The following IPO13 variants were observed in gnomAD, a reference collection of about 807,000 sequenced individuals.
IPO13 encodes importin-13.
Under a neutral mutation model 115.5 loss-of-function variants are expected in IPO13, and 28 were observed. The ratio of observed to expected loss-of-function variants is 0.24; its 90% confidence interval spans 0.18 to 0.33. IPO13 has a LOEUF of 0.33. Among genes scored for constraint, IPO13 ranks in the 10% least tolerant of loss-of-function variants. IPO13 has a pLI of 1.00. For synonymous variants in IPO13, 414 were observed against 478.9 expected (o/e 0.86, Z 1.77); for missense variants, 785 against 1,204.6 (o/e 0.65, Z 5.16).
At chr1:43,954,727 G>T (rs539319763) in intron 2 of IPO13, among the ~76,000 whole-genome samples, 1 of 152,180 alleles carries the variant, frequency 6.6e-6, no homozygotes, top group Non-Finnish European at 1.5e-5. Flanking sequence ...TCAGGGCTGT[G>T]ATCTGGACCC....
At chr1:43,960,757 C>G in intron 12 of IPO13, 119 bp from the exon 13 acceptor site, 1 of 1,327,542 alleles carries the variant, frequency 7.5e-7, no homozygotes. Context: ...CCTTGGTTTG[C>G]AGGGCCAGGC....
At position 43,957,449 on chromosome 1, in the gene IPO13, T is replaced by A. The variant is rs2085259166; in HGVS notation, c.1440T>A (p.Ile480=). The A allele has an allele frequency of 6.2e-7, 1 of 1,614,092 alleles. No individual in the cohort carries two copies. Among genetic ancestry groups the A allele is most frequent in the South Asian group, 1.1e-5 (1 of 91,090 alleles). Residue 480 remains isoleucine (I), a synonymous_variant, in exon 7 of 20, where the codon ATT becomes ATA. Transcript: ENST00000372343. ...LYGFQSIAET[I]DVNYSDVVPG... is the part of the protein sequence containing the mutation. ...GCTTCCAATCCATCGCAGAGACCAT[T>A]GACGTCAACTATTCTGATGTGGTGC...
At chr1:43,948,315 G>A (rs904314633) in intron 1 of IPO13, among the ~76,000 whole-genome samples, 1 of 152,138 alleles carries the variant, frequency 6.6e-6, no homozygotes, top group Non-Finnish European at 1.5e-5. Context: ...CAGGCTCCCC[G>A]ACTGCCCAGC....
rs979414902 is a variant in IPO13 at position 43,956,057 on chromosome 1, T to A, written c.822-263T>A. ...AACCCATTCCGGAATCAGCTCTCAG[T>A]CCAACTGGAGAACACAATTCAACCC... On this transcript the variant is annotated intron_variant, in intron 2 of 19. Transcript: ENST00000372343. The surrounding 1 kb of genome is among the most constrained non-coding windows in gnomAD (Gnocchi z 4.7). Among the ~76,000 whole-genome samples the A allele has an allele frequency of 2.0e-5, 3 of 150,848 alleles. No homozygotes were observed. The East Asian group carries it at 5.8e-4, about 29-fold the overall frequency.
chr1:43,958,881 C>A lies in IPO13; in HGVS notation c.2020C>A (p.Pro674Thr). 2 of 1,613,982 alleles carry A rather than the reference C, an allele frequency of 1.2e-6. No individual in the cohort carries two copies. The highest frequency in any genetic ancestry group is 1.7e-6 in the Non-Finnish European group (2 of 1,179,896). ...ELRKLPVPQG[P>T]NPVVVVLQQV... ...TCGGAAGCTGCCAGTGCCACAGGGA[C>A]CCAACCCCGTGGGTGACATTTGCCC... The change falls in exon 11 of 20, where the codon CCC (proline) becomes ACC (threonine). Residue 674 changes from proline (P) to threonine (T), a missense_variant. Coordinates refer to ENST00000372343, the MANE Select transcript of IPO13 (RefSeq NM_014652.4). This position sits in a 1 kb window ranked among gnomAD's most constrained non-coding sequence, Gnocchi z 6.3.
Position 43,961,292 on chromosome 1 carries a change from C to A in IPO13, c.2344+30C>A, listed in dbSNP as rs142568582. On this transcript the variant is annotated intron_variant, in intron 14 of 19. Transcript: ENST00000372343. ...GTCCTGACCGGGGTCTCTGCTGCTG[C>A]TGCCACTGCCACTGCCTCTGCTTCC... 2.5e-4 allele frequency: 372 copies of A among 1,511,558 alleles called. 1 individual carries two copies. The East Asian group carries it at 7.5e-3, about 30-fold the overall frequency. The allele number at this position is 1,511,558 out of a possible 1,614,324, so 93.6% of individuals were successfully genotyped here.
In IPO13 at chr1:43,947,642, A is replaced by G; in HGVS notation, c.42A>G (p.Gly14=). Residue 14 remains glycine (G), a synonymous_variant, in exon 1 of 20, where the codon GGA becomes GGG. Transcript: ENST00000372343. ...AGCAGCCGGGGGCTGCAGGGGCTGG[A>G]GCAGCACCAGCCTTGGACTTCACTG... ...REEQPGAAGA[G]AAPALDFTVE... is the part of the protein sequence containing the mutation. 4 of 1,333,888 alleles carry G rather than the reference A, an allele frequency of 3.0e-6. No homozygotes were observed. Among genetic ancestry groups the G allele is most frequent in the Non-Finnish European group, 3.9e-6 (4 of 1,034,580 alleles). 82.6% of individuals were successfully genotyped at this position (1,333,888 alleles called of 1,614,324 possible).
Position 43,950,024 on chromosome 1 carries a change from A to G in IPO13, c.692A>G (p.Gln231Arg). The G allele has an allele frequency of 3.1e-6, 5 of 1,613,594 alleles. No homozygotes were observed. Among genetic ancestry groups the G allele is most frequent in the Non-Finnish European group, 4.2e-6 (5 of 1,179,942 alleles). The change falls in exon 2 of 20, where the codon CAG (glutamine) becomes CGG (arginine). Residue 231 changes from glutamine (Q) to arginine (R), a missense_variant. Gln to Arg is a conservative substitution (Grantham distance 43). Transcript: ENST00000372343. ...CTCAAGTGTTTCTCCAGCTGGGTGC[A>G]GCTGGAGGTGCCGCTGCAGGACTGT... ...KVLKCFSSWV[Q>R]LEVPLQDCEA...
Position 43,958,837 on chromosome 1 carries a change from A to T in IPO13, c.1976A>T (p.Asp659Val), listed in dbSNP as rs1233462928. ...CTGGACATCAGTCATCATGAGGATG[A>T]TCATGAAGGCCCTGAGCTTCGGAAG... ...TTLDISHHED[D>V]HEGPELRKLP... The change falls in exon 11 of 20, where the codon GAT (aspartate) becomes GTT (valine). Residue 659 changes from aspartate (D) to valine (V), a missense_variant. Asp to Val is a radical substitution (Grantham distance 152, BLOSUM62 -3). Around this residue, in one of 3 missense-constraint regions of IPO13, gnomAD observed 285 missense variants for 394.8 expected, o/e 0.72. Coordinates refer to ENST00000372343, the MANE Select transcript of IPO13 (RefSeq NM_014652.4). The surrounding 1 kb of genome is among the most constrained non-coding windows in gnomAD (Gnocchi z 6.3). 6.8e-6 allele frequency: 11 copies of T among 1,613,874 alleles called. No individual in the cohort carries two copies. Among genetic ancestry groups the T allele is most frequent in the Non-Finnish European group, 9.3e-6 (11 of 1,179,936 alleles).
At chr1:43,957,709 A>G (rs1261265549) in intron 7 of IPO13, among the ~76,000 whole-genome samples, 160 bp downstream of exon 7, 3 of 152,380 alleles carry the variant, frequency 2.0e-5, no homozygotes, top group South Asian at 2.1e-4. Context: ...TAGGGGGTCC[A>G]TCTGATGGCA....
At chr1:43,964,881 T>G (rs980091325) in intron 15 of IPO13, among the ~76,000 whole-genome samples, 1 of 152,168 alleles carries the variant, frequency 6.6e-6, no homozygotes, top group Non-Finnish European at 1.5e-5. Flanking sequence ...ATTTTGTATG[T>G]GTTTCAGTGT....
Position 43,947,610 on chromosome 1 carries a change from C to T in IPO13, c.10C>T (p.Arg4Trp). The stretch of plus-strand genomic sequence containing the variant: ...CAGGGAGGGAGCAAAGATGGAGCGG[C>T]GGGAGGAGCAGCCGGGGGCTGCAGG... MER[R>W]EEQPGAAGAG... The change falls in exon 1 of 20, where the codon CGG (arginine) becomes TGG (tryptophan). Residue 4 changes from arginine (R) to tryptophan (W), a missense_variant. Physicochemically the swap from Arg to Trp is moderately radical, Grantham distance 101. This residue lies in a region of IPO13 where 325 missense variants were observed against 449.8 expected (regional missense o/e 0.72). Transcript: ENST00000372343. The T allele has an allele frequency of 3.0e-6, 4 of 1,314,266 alleles. No homozygotes were observed. Among genetic ancestry groups the T allele is most frequent in the African/African-American group, 1.5e-5 (1 of 65,328 alleles). 81.4% of individuals were successfully genotyped at this position (1,314,266 alleles called of 1,614,324 possible).
chr1:43,958,890 G>A lies in IPO13; in HGVS notation c.2028+1G>A, dbSNP rs771112995. On this transcript the variant is annotated splice_donor_variant, in intron 11 of 19. Transcript: ENST00000372343. LOFTEE classifies it high-confidence loss of function. The surrounding 1 kb of genome is among the most constrained non-coding windows in gnomAD (Gnocchi z 6.3). ...GCCAGTGCCACAGGGACCCAACCCC[G>A]TGGGTGACATTTGCCCACGGCAAAG... 7 of 1,613,330 alleles carry A rather than the reference G, an allele frequency of 4.3e-6. No homozygotes were observed. The highest frequency in any genetic ancestry group is 1.1e-5 in the South Asian group (1 of 91,056).
rs5773817 is a variant in IPO13, at chr1:43,956,005, CAAAAAAAAAAAA to C, written c.822-304_822-293del. Among the ~76,000 whole-genome samples, 2 of 113,906 alleles carry C rather than the reference CAAAAAAAAAAAA, an allele frequency of 1.8e-5. No individual in the cohort carries two copies. Among genetic ancestry groups the C allele is most frequent in the African/African-American group, 7.3e-5 (2 of 27,434 alleles). 74.7% of individuals were successfully genotyped at this position (113,906 alleles called of 152,430 possible). Reference sequence around the variant, plus strand: ...TGGGTAACACAGCAAAACCCCATCTCAAAAAAAAAAAAAAAAAAAAAATCTTAACCCATTCCG... The same window carrying C: ...TGGGTAACACAGCAAAACCCCATCTCAAAAAAAAAATCTTAACCCATTCCG... On this transcript the variant is annotated intron_variant, in intron 2 of 19. Coordinates refer to ENST00000372343, the MANE Select transcript of IPO13 (RefSeq NM_014652.4). This position sits in a 1 kb window ranked among gnomAD's most constrained non-coding sequence, Gnocchi z 4.7.
intron 12 of IPO13, 24 bp downstream of exon 12, chr1:43,960,353 G>A (rs2301993): frequency 0.74 from 1,188,644 of 1,605,036 alleles, 452,490 homozygotes; most frequent in Non-Finnish European, 0.79. Flanking sequence ...CTTGCCCTCC[G>A]CTCCCATAGT....
Position 43,950,115 on chromosome 1 carries a change from G to A in IPO13, c.783G>A (p.Glu261=). The change falls in exon 2 of 20, where the codon GAG becomes GAA. Residue 261 remains glutamate, a synonymous_variant. Transcript: ENST00000372343. ...QDSELFDSSV[E]AIVNAISQPD... ...CGGAGCTCTTCGACAGCAGTGTGGA[G>A]GCCATTGTGAATGCCATCTCACAGC... 1 of 1,612,910 alleles carries A rather than the reference G, an allele frequency of 6.2e-7. No homozygotes were observed. The highest frequency in any genetic ancestry group is 8.5e-7 in the Non-Finnish European group (1 of 1,179,318).
Position 43,961,269 on chromosome 1 carries a change from C to T in IPO13, c.2344+7C>T. 1.2e-6 allele frequency: 2 copies of T among 1,607,400 alleles called. No homozygotes were observed. Among genetic ancestry groups the T allele is most frequent in the Non-Finnish European group, 1.7e-6 (2 of 1,173,856 alleles). On this transcript the variant is annotated splice_region_variant and intron_variant, in intron 14 of 19. Transcript: ENST00000372343. ...CTCACTCTCTTCCAGCAAGGTAGGT[C>T]CTGACCGGGGTCTCTGCTGCTGCTG...
intron 13 of IPO13, 36 bp from the exon 14 acceptor site, chr1:43,961,130 G>T: frequency 2.5e-6 from 4 of 1,601,616 alleles, no homozygotes; most frequent in Non-Finnish European, 2.6e-6. Context: ...GGTGAGACTG[G>T]GTCTCAGCTG....
In IPO13 at chr1:43,966,094, A is replaced by G. The variant is rs1324957005; in HGVS notation, c.2398-481A>G. 4 of 207,770 alleles carry G rather than the reference A, an allele frequency of 1.9e-5. No individual in the cohort carries two copies. The highest frequency in any genetic ancestry group is 1.0e-4 in the Admixed American group (2 of 19,094). 12.9% of individuals were successfully genotyped at this position (207,770 alleles called of 1,614,324 possible). A position where few individuals can be genotyped will look rare whatever the true frequency, so the allele number is the denominator to read the frequency against. ...TTTCTTCTTTTTGAGCAGGAGCTGG[A>G]GGGTGCCTCAGGAATACAGGAGGGA... is the stretch of plus-strand genomic sequence containing the variant. On this transcript the variant is annotated intron_variant, in intron 15 of 19. Coordinates refer to ENST00000372343, the MANE Select transcript of IPO13 (RefSeq NM_014652.4). This position sits in a 1 kb window ranked among gnomAD's most constrained non-coding sequence, Gnocchi z 4.1.
Sources: allele counts gnomAD v4.1 joint callset (sites outside exome capture counted in the v4.1 genomes callset), GRCh38; gene constraint gnomAD v4.1.1; regional missense constraint gnomAD v4.1.1; non-coding constraint Gnocchi (gnomAD v3.1); transcripts MANE v1.5; gene names NCBI Gene and HGNC (gene_info 2026-07-23, HGNC 2026-07-21).